Variants in EEIG1 observed in about 807,000 individuals in gnomAD.
EEIG1 encodes the protein early estrogen-induced gene 1 protein.
At chr9:127,947,263 C>CAAAAAAA in the EEIG1 span, among the ~76,000 whole-genome samples, 1 of 94,660 alleles carries the variant, frequency 1.1e-5, no homozygotes, top group Non-Finnish European at 2.1e-5. Flanking sequence ...ACTAAAAATA[C>CAAAAAAA]AAAAAAAAAA....
At chr9:127,959,364 G>A in the EEIG1 span, among the ~76,000 whole-genome samples, 3 of 152,214 alleles carry the variant, frequency 2.0e-5, no homozygotes, top group Non-Finnish European at 2.9e-5. Flanking sequence ...TTGAAAACAT[G>A]AAGCTAAATC....
the EEIG1 span, chr9:127,943,150 C>G: frequency 1.2e-6 from 2 of 1,603,858 alleles, no homozygotes; most frequent in Admixed American, 3.3e-5. Context: ...GGTCTGGACT[C>G]CAGAGAAAGC....
At chr9:127,959,495 G>A in the EEIG1 span, among the ~76,000 whole-genome samples, 1 of 152,168 alleles carries the variant, frequency 6.6e-6, no homozygotes, top group African/African-American at 2.4e-5. Flanking sequence ...AGGATGATAT[G>A]GTCTGGCTCT....
chr9:127,945,501 C>T, the EEIG1 span: 14 of 1,569,138 alleles, frequency 8.9e-6, no homozygotes, highest in South Asian at 4.7e-5. The surrounding 1 kb of genome is among the most constrained non-coding windows in gnomAD (Gnocchi z 6.5). Flanking sequence ...TGCTGGTGGA[C>T]GTGTTGCGGC....
chr9:127,970,573 C>T, the EEIG1 span, among the ~76,000 whole-genome samples: 1 of 152,164 alleles, frequency 6.6e-6, no homozygotes, highest in African/African-American at 2.4e-5. Flanking sequence ...AGGTTGAAAC[C>T]TGCCCTTCTC....
the EEIG1 span, among the ~76,000 whole-genome samples, chr9:127,963,273 G>A: frequency 6.6e-6 from 1 of 152,238 alleles, no homozygotes; most frequent in Non-Finnish European, 1.5e-5. Flanking sequence ...TTCAAGGCCT[G>A]GGTCCTCCCA....
At chr9:127,977,288 CCCCTTG>C in the EEIG1 span, among the ~76,000 whole-genome samples, 1 of 152,174 alleles carries the variant, frequency 6.6e-6, no homozygotes, top group African/African-American at 2.4e-5. Context: ...CAATTTAAGG[CCCCTTG>C]CCAGGAGGAA....
the EEIG1 span, among the ~76,000 whole-genome samples, chr9:127,954,988 G>A: frequency 6.6e-6 from 1 of 152,208 alleles, no homozygotes; most frequent in South Asian, 2.1e-4. Context: ...GGTGGCAGCG[G>A]CACGTGGCAG....
At chr9:127,945,618 G>A in the EEIG1 span, 1 of 1,564,596 alleles carries the variant, frequency 6.4e-7, no homozygotes. The surrounding 1 kb of genome is among the most constrained non-coding windows in gnomAD (Gnocchi z 6.5). Flanking sequence ...GAAGGAGGAG[G>A]CCACGGGGGC....
the EEIG1 span, among the ~76,000 whole-genome samples, chr9:127,962,933 G>A: frequency 6.6e-6 from 1 of 152,152 alleles, no homozygotes; most frequent in Non-Finnish European, 1.5e-5. Flanking sequence ...TTACCCTAAT[G>A]TGGCCCAGGT....
chr9:127,943,204 A>C, the EEIG1 span: 1 of 1,614,156 alleles, frequency 6.2e-7, no homozygotes, highest in Non-Finnish European at 8.5e-7. Flanking sequence ...AATGGCTTTC[A>C]ATCACAACTG....
chr9:127,966,845 G>GCAGT, the EEIG1 span, among the ~76,000 whole-genome samples: 1 of 152,316 alleles, frequency 6.6e-6, no homozygotes, highest in East Asian at 1.9e-4. Flanking sequence ...GGGAGTCCAG[G>GCAGT]CAGTCGCTGC....
chr9:127,977,021 T>TAGGAACCC, the EEIG1 span, among the ~76,000 whole-genome samples: 5 of 150,564 alleles, frequency 3.3e-5, no homozygotes, highest in African/African-American at 9.8e-5. Flanking sequence ...GTGGAGGGGG[T>TAGGAACCC]AGGAACCCAG....
chr9:127,943,484 C>T, the EEIG1 span: 13 of 543,472 alleles, frequency 2.4e-5, no homozygotes, highest in African/African-American at 3.8e-5. Context: ...CCCATCCTCA[C>T]GGTCACCTCG....
chr9:127,943,381 G>T, the EEIG1 span: 3 of 739,800 alleles, frequency 4.1e-6, no homozygotes, highest in South Asian at 4.7e-5. Context: ...GTGCCCCAGC[G>T]ATGGTAAGTC....
chr9:127,944,331 G>A, the EEIG1 span: 2 of 557,850 alleles, frequency 3.6e-6, no homozygotes, highest in Non-Finnish European at 6.4e-6. Context: ...TGAGGCCCCT[G>A]CCATGTGCTG....
chr9:127,964,655 C>T, the EEIG1 span, among the ~76,000 whole-genome samples: 1 of 152,216 alleles, frequency 6.6e-6, no homozygotes, highest in African/African-American at 2.4e-5. Context: ...GACCCACGTC[C>T]ACTCTCAACA....
the EEIG1 span, among the ~76,000 whole-genome samples, chr9:127,971,423 G>C: frequency 8.5e-5 from 13 of 152,064 alleles, no homozygotes; most frequent in African/African-American, 3.1e-4. Flanking sequence ...CCAAACCATT[G>C]ATGCCCCCAG....
At chr9:127,976,307 G>C in the EEIG1 span, among the ~76,000 whole-genome samples, 1 of 152,332 alleles carries the variant, frequency 6.6e-6, no homozygotes, top group Admixed American at 6.5e-5. The surrounding 1 kb of genome is among the most constrained non-coding windows in gnomAD (Gnocchi z 4.1). Context: ...TTCCTCACCT[G>C]TAAGTGGGGT....
Sources: gnomAD v4.1 joint callset for allele counts (sites outside exome capture counted in the v4.1 genomes callset) on GRCh38, gnomAD v4.1.1 for gene constraint, Gnocchi (gnomAD v3.1) non-coding constraint, MANE v1.5 for transcripts, NCBI Gene and HGNC (gene_info 2026-07-23, HGNC 2026-07-21) for gene names.